LRRC4C: variants seen among roughly 807,000 people sequenced by gnomAD.
LRRC4C encodes leucine-rich repeat-containing protein 4C.
A neutral mutation model predicts 33.6 loss-of-function variants in LRRC4C; 5 were observed. The observed-to-expected ratio is 0.15, with a 90% CI of 0.08 to 0.31. LRRC4C has a LOEUF of 0.31. LRRC4C is among the 10% of genes least tolerant of loss of function. LRRC4C has a pLI of 1.00. For synonymous variants in LRRC4C, 329 were observed against 302.0 expected (o/e 1.09, Z -0.93); for missense variants, 560 against 796.7 (o/e 0.70, Z 3.58).
At chr11:40,208,595 C>T (rs1028031137) in intron 5 of LRRC4C, among the ~76,000 whole-genome samples, 1 of 152,100 alleles carries the variant, frequency 6.6e-6, no homozygotes, top group African/African-American at 2.4e-5. Flanking sequence ...GCCCTGACAA[C>T]TGAAAGCTAT....
chr11:40,775,219 G>A, intron 2 of LRRC4C, among the ~76,000 whole-genome samples: 1 of 152,028 alleles, frequency 6.6e-6, no homozygotes, highest in Middle Eastern at 3.4e-3. Context: ...GACCATCCTG[G>A]CTAACATGGT....
intron 1 of LRRC4C, among the ~76,000 whole-genome samples, chr11:41,031,636 A>C (rs1270283635): frequency 2.6e-5 from 4 of 151,996 alleles, no homozygotes; most frequent in African/African-American, 9.7e-5. Context: ...GGTCCATTTT[A>C]AAATCAATTC....
At chr11:40,810,468 AGC>A (rs1390729157) in intron 2 of LRRC4C, among the ~76,000 whole-genome samples, 2 of 152,176 alleles carry the variant, frequency 1.3e-5, no homozygotes, top group Non-Finnish European at 2.9e-5. Flanking sequence ...AACATCTGTA[AGC>A]TAATAACCAA....
At chr11:40,505,069 C>T (rs184347893) in intron 3 of LRRC4C, among the ~76,000 whole-genome samples, 168 of 152,206 alleles carry the variant, frequency 1.1e-3, no homozygotes, top group African/African-American at 3.6e-3. Context: ...TTACCTCGTC[C>T]TCTATTTTCT....
rs1395266207 is a variant in LRRC4C, at chr11:40,355,653, G to C, written c.-269-35932C>G. Among the ~76,000 whole-genome samples the C allele has an allele frequency of 7.9e-5, 12 of 152,244 alleles. No homozygotes were observed. In the East Asian group the frequency reaches 2.3e-3, roughly 29 times the overall value. On this transcript the variant is annotated intron_variant, in intron 3 of 6. Coordinates refer to ENST00000528697, the MANE Select transcript of LRRC4C (RefSeq NM_001258419.2). ...ACACAATGCACTGTCCCTCCCGCAAGCACAGATTCTCTCTCTGCACCATGC... is the reference window on the plus strand; with the variant it reads ...ACACAATGCACTGTCCCTCCCGCAACCACAGATTCTCTCTCTGCACCATGC...
intron 1 of LRRC4C, among the ~76,000 whole-genome samples, chr11:41,259,829 A>T (rs986142550): frequency 1.1e-4 from 16 of 151,946 alleles, no homozygotes; most frequent in South Asian, 2.1e-4. Flanking sequence ...GTTTTTTTTT[A>T]AAAATCAAAT....
intron 1 of LRRC4C, among the ~76,000 whole-genome samples, chr11:41,448,152 C>CTTTTTTTTTTTTTTT (rs1955896748): frequency 1.5e-4 from 5 of 33,546 alleles, no homozygotes; most frequent in Non-Finnish European, 4.1e-4. Context: ...TGGAGCTTTA[C>CTTTTTTTTTTTTTTT]TTCATCAGTG....
At chr11:41,163,047 A>C (rs780435890) in intron 1 of LRRC4C, among the ~76,000 whole-genome samples, 2 of 152,082 alleles carry the variant, frequency 1.3e-5, no homozygotes, top group Non-Finnish European at 2.9e-5. Context: ...GGTAGTGAAT[A>C]AGTCTCACAA....
intron 2 of LRRC4C, among the ~76,000 whole-genome samples, chr11:40,860,999 C>T (rs904537383): frequency 6.6e-6 from 1 of 151,814 alleles, no homozygotes; most frequent in Admixed American, 6.6e-5. Flanking sequence ...TGTATTTCAC[C>T]TCAATTAAAG....
At chr11:41,272,405 G>A (rs1036385828) in intron 1 of LRRC4C, among the ~76,000 whole-genome samples, 7 of 152,036 alleles carry the variant, frequency 4.6e-5, no homozygotes, top group Admixed American at 6.6e-5. Context: ...CCTGGACTAT[G>A]TTTAGCATTT....
intron 5 of LRRC4C, among the ~76,000 whole-genome samples, chr11:40,223,700 C>G (rs1324098919): frequency 6.6e-6 from 1 of 152,148 alleles, no homozygotes; most frequent in East Asian, 1.9e-4. Context: ...CCCAAGGGAA[C>G]AGACAAAATA....
chr11:41,062,874 G>A lies in LRRC4C; in HGVS notation c.-495-129151C>T, dbSNP rs561950782. ...CCATTTGAAGACAGAGTCAGAGATT[G>A]GAATCATGCTGCCAGAAACTATGGC... On this transcript the variant is annotated intron_variant, in intron 1 of 6. Transcript: ENST00000528697. 5.3e-5 allele frequency among the ~76,000 whole-genome samples: 8 copies of A among 152,152 alleles called. No homozygotes were observed. The East Asian group carries it at 1.5e-3, about 29-fold the overall frequency.
At chr11:40,673,832 C>T (rs573370237) in intron 2 of LRRC4C, among the ~76,000 whole-genome samples, 7 of 152,258 alleles carry the variant, frequency 4.6e-5, no homozygotes, top group Admixed American at 1.3e-4. Flanking sequence ...CACTGATCCA[C>T]GTTATGTATG....
chr11:41,339,045 A>G (rs1951548231), intron 1 of LRRC4C, among the ~76,000 whole-genome samples: 1 of 152,218 alleles, frequency 6.6e-6, no homozygotes, highest in African/African-American at 2.4e-5. Context: ...GTAGATTATT[A>G]TGTTTGAAAG....
At chr11:40,448,055 C>A (rs773113297) in intron 3 of LRRC4C, among the ~76,000 whole-genome samples, 1 of 152,016 alleles carries the variant, frequency 6.6e-6, no homozygotes, top group African/African-American at 2.4e-5. Context: ...GACCGCCTAC[C>A]TCAGTCCCCC....
intron 1 of LRRC4C, among the ~76,000 whole-genome samples, chr11:41,204,839 G>A (rs16935437): frequency 0.17 from 25,567 of 152,096 alleles, 2,829 homozygotes; most frequent in East Asian, 0.41. Context: ...GTGAAGAGAA[G>A]CAATACACAA....
chr11:40,621,543 T>TC (rs1348411565), intron 3 of LRRC4C, among the ~76,000 whole-genome samples: 1 of 151,518 alleles, frequency 6.6e-6, no homozygotes, highest in Non-Finnish European at 1.5e-5. Flanking sequence ...CAAGTTGCTT[T>TC]TTTTGCCTAA....
chr11:41,192,483 T>C (rs1050305341), intron 1 of LRRC4C, among the ~76,000 whole-genome samples: 1 of 152,010 alleles, frequency 6.6e-6, no homozygotes, highest in African/African-American at 2.4e-5. Flanking sequence ...AATTTGTATA[T>C]ATTTGTTCAA....
At chr11:41,367,631 T>C (rs1952592326) in intron 1 of LRRC4C, among the ~76,000 whole-genome samples, 1 of 152,144 alleles carries the variant, frequency 6.6e-6, no homozygotes, top group Non-Finnish European at 1.5e-5. Context: ...TATGTGTATG[T>C]TTGTATCTGT....
Sources: gnomAD v4.1 joint callset for allele counts (sites outside exome capture counted in the v4.1 genomes callset) on GRCh38, gnomAD v4.1.1 for gene constraint, MANE v1.5 for transcripts, NCBI Gene and HGNC (gene_info 2026-07-23, HGNC 2026-07-21) for gene names.